The following TBCD variants were observed in gnomAD, a reference collection of about 807,000 sequenced individuals.
The protein encoded by TBCD is tubulin-specific chaperone D.
In TBCD, 105 loss-of-function variants were observed where a neutral mutation model predicts 169.3. That is an observed-to-expected ratio of 0.62 (90% CI 0.53 to 0.73). The LOEUF is 0.73. Ranked by LOEUF, TBCD falls within the 30% of genes least tolerant of loss-of-function variation. The probability of loss-of-function intolerance (pLI) is 0.00; values close to 1 mark genes in which losing one functional copy is unlikely to be tolerated. For synonymous variants in TBCD, 700 were observed against 643.9 expected (o/e 1.09, Z -1.32); for missense variants, 1,444 against 1,600.1 (o/e 0.90, Z 1.66).
intron 7 of TBCD, among the ~76,000 whole-genome samples, chr17:82,787,795 T>G (rs553271400): frequency 6.6e-6 from 1 of 152,332 alleles, no homozygotes; most frequent in South Asian, 2.1e-4. Flanking sequence ...TTTTAACTCC[T>G]GTGGGAGGGA....
chr17:82,772,361 A>C (rs997598883), intron 5 of TBCD, 91 bp from the exon 6 acceptor site: 2 of 1,324,358 alleles, frequency 1.5e-6, no homozygotes, highest in Non-Finnish European at 2.2e-6. Context: ...GCCCTCGGGG[A>C]GCTGGTGAGG....
intron 4 of TBCD, among the ~76,000 whole-genome samples, chr17:82,766,825 C>T (rs191797287): frequency 9.3e-4 from 141 of 152,284 alleles, no homozygotes; most frequent in Middle Eastern, 6.8e-3. Context: ...GAGAACCAGG[C>T]GGGAGCTCCC....
chr17:82,925,025 C>T lies in TBCD; in HGVS notation c.2347C>T (p.Pro783Ser). 6.4e-7 allele frequency: 1 copy of T among 1,566,296 alleles called. No homozygotes were observed. Among genetic ancestry groups the T allele is most frequent in the Non-Finnish European group, 8.7e-7 (1 of 1,154,656 alleles). The change falls in exon 27 of 39, where the codon CCA becomes TCA. Residue 783 changes from proline (P) to serine (S), a missense_variant. Pro to Ser is a moderately conservative substitution (Grantham distance 74). Coordinates refer to ENST00000355528, the MANE Select transcript of TBCD (RefSeq NM_005993.5). ...CGFSLALGALPGFLLKGRLQQ... is the reference protein window; with the variant it reads ...CGFSLALGALSGFLLKGRLQQ... ...CTTCTCGTTGGCCTTGGGCGCCCTT[C>T]CAGGCTTCCTTCTGAAAGGCCGGCT...
chr17:82,845,864 C>A (rs1418133922), intron 13 of TBCD, among the ~76,000 whole-genome samples: 2 of 152,258 alleles, frequency 1.3e-5, no homozygotes, highest in African/African-American at 4.8e-5. Context: ...TCTTAAAATA[C>A]AAGATTGTTT....
rs1324346018 is a variant in TBCD, at chr17:82,800,833, T to G, written c.818-31T>G. ...TGCAGTCAGAAGATGCCTGCAGCCC[T>G]TCCTGCGCTGAGTCCAGTTCTTGTT... On this transcript the variant is annotated intron_variant, in intron 8 of 38. Transcript: ENST00000355528. The G allele has an allele frequency of 4.4e-6, 7 of 1,603,284 alleles. No homozygotes were observed. In the Admixed American group the frequency reaches 5.1e-5, roughly 12 times the overall value.
chr17:82,878,581 T>C (rs1443040109), intron 14 of TBCD, among the ~76,000 whole-genome samples: 3 of 152,156 alleles, frequency 2.0e-5, no homozygotes, highest in Non-Finnish European at 4.4e-5. Context: ...GCCCATATAG[T>C]GCCCCACAAC....
chr17:82,920,767 C>G lies in TBCD; in HGVS notation c.2101+149C>G. Reference sequence around the variant, plus strand: ...CGGATACGTTGCCTTGAAGTTGTTACAAGAACCTGCTTAAATAATGGGTAC... The same window carrying G: ...CGGATACGTTGCCTTGAAGTTGTTAGAAGAACCTGCTTAAATAATGGGTAC... On this transcript the variant is annotated intron_variant, in intron 24 of 38. Transcript: ENST00000355528. This position sits in a 1 kb window ranked among gnomAD's most constrained non-coding sequence, Gnocchi z 4.1. The G allele has an allele frequency of 1.3e-6, 1 of 783,832 alleles. No individual in the cohort carries two copies. The highest frequency in any genetic ancestry group is 2.0e-6 in the Non-Finnish European group (1 of 498,190). 48.6% of individuals were successfully genotyped at this position (783,832 alleles called of 1,614,324 possible).
At chr17:82,852,868 T>C (rs972935342) in intron 13 of TBCD, among the ~76,000 whole-genome samples, 2 of 152,230 alleles carry the variant, frequency 1.3e-5, no homozygotes, top group East Asian at 1.9e-4. Context: ...GTCTTGGGTA[T>C]AGGCCTGGGC....
At chr17:82,847,356 G>GGAAAAA (rs1236836895) in intron 13 of TBCD, among the ~76,000 whole-genome samples, 2 of 81,756 alleles carry the variant, frequency 2.4e-5, no homozygotes, top group Admixed American at 1.4e-4. Flanking sequence ...CCATGTCAAA[G>GGAAAAA]AAAAAAAAAA....
chr17:82,813,628 A>G (rs550280473), intron 12 of TBCD, among the ~76,000 whole-genome samples: 60 of 152,342 alleles, frequency 3.9e-4, no homozygotes, highest in African/African-American at 1.4e-3. Flanking sequence ...TTTTTAAGTC[A>G]CGGTAACCTT....
At chr17:82,885,562 A>G (rs2058660717) in intron 15 of TBCD, among the ~76,000 whole-genome samples, 1 of 152,176 alleles carries the variant, frequency 6.6e-6, no homozygotes, top group Admixed American at 6.5e-5. Flanking sequence ...GGAAATCATC[A>G]CATTTTTGCC....
At chr17:82,931,532 ATTCCTCCTTG>A (rs2062213099) in intron 33 of TBCD, among the ~76,000 whole-genome samples, 1 of 151,598 alleles carries the variant, frequency 6.6e-6, no homozygotes, top group Non-Finnish European at 1.5e-5. Context: ...CCGTTCGCTC[ATTCCTCCTTG>A]CTGACCAGTC....
At chr17:82,857,574 G>A (rs189442902) in intron 13 of TBCD, among the ~76,000 whole-genome samples, 29 of 152,208 alleles carry the variant, frequency 1.9e-4, no homozygotes, top group African/African-American at 6.5e-4. Flanking sequence ...TGTCTAAAAA[G>A]TATTTTGTTT....
At chr17:82,942,354 G>T in intron 38 of TBCD, 95 bp from the exon 39 acceptor site, 1 of 1,566,720 alleles carries the variant, frequency 6.4e-7, no homozygotes, top group African/African-American at 1.4e-5. Context: ...AACCGTGTCA[G>T]TCCCCACACA....
In TBCD at chr17:82,756,263, C is replaced by T. The variant is rs773676766; in HGVS notation, c.235+48C>T. 3.0e-5 allele frequency: 46 copies of T among 1,552,394 alleles called. No homozygotes were observed. In the African/African-American group the frequency reaches 3.9e-4, roughly 13 times the overall value. On this transcript the variant is annotated intron_variant, in intron 2 of 38. Coordinates refer to ENST00000355528, the MANE Select transcript of TBCD (RefSeq NM_005993.5). ...TTGATCATTCAGTTACAGATGACCA[C>T]GGAGGCCTTGGTGTGTGGTGCTGGC...
At chr17:82,762,315 C>CAAAAA (rs35386796) in intron 2 of TBCD, among the ~76,000 whole-genome samples, 1 of 91,452 alleles carries the variant, frequency 1.1e-5, no homozygotes, top group Non-Finnish European at 2.1e-5. Flanking sequence ...GACTCCGTCT[C>CAAAAA]AAAAAAAAAA....
intron 6 of TBCD, among the ~76,000 whole-genome samples, chr17:82,779,778 C>T (rs566469593): frequency 6.6e-5 from 10 of 152,120 alleles, no homozygotes; most frequent in South Asian, 6.2e-4. Context: ...ACGTGGGGGC[C>T]GGAGGGAGGT....
intron 13 of TBCD, among the ~76,000 whole-genome samples, chr17:82,820,139 A>G (rs1414138643): frequency 6.6e-6 from 1 of 151,852 alleles, no homozygotes; most frequent in Non-Finnish European, 1.5e-5. Flanking sequence ...CACCATGCCC[A>G]GCCAATTTTT....
chr17:82,939,401 C>G lies in TBCD; in HGVS notation c.3404C>G (p.Thr1135Arg). ...ACCACGGCCAGCCAGGTGTACGAGACATTGCTCACCTACAGTGACGTCGTG... is the reference window on the plus strand; with the variant it reads ...ACCACGGCCAGCCAGGTGTACGAGAGATTGCTCACCTACAGTGACGTCGTG... ...RKTTASQVYETLLTYSDVVGA... is the reference protein window; with the variant it reads ...RKTTASQVYERLLTYSDVVGA... The change falls in exon 37 of 39, where the codon ACA becomes AGA. Residue 1135 changes from threonine (T) to arginine (R), a missense_variant. Coordinates refer to ENST00000355528, the MANE Select transcript of TBCD (RefSeq NM_005993.5). 1.2e-6 allele frequency: 2 copies of G among 1,613,486 alleles called. No individual in the cohort carries two copies. Among genetic ancestry groups the G allele is most frequent in the African/African-American group, 1.3e-5 (1 of 75,058 alleles).
Sources: allele counts gnomAD v4.1 joint callset (sites outside exome capture counted in the v4.1 genomes callset), GRCh38; gene constraint gnomAD v4.1.1; non-coding constraint Gnocchi (gnomAD v3.1); transcripts MANE v1.5; gene names NCBI Gene and HGNC (gene_info 2026-07-23, HGNC 2026-07-21).